Variants in KCNU1 observed in about 807,000 individuals in gnomAD.
KCNU1 encodes the protein potassium calcium-activated channel subfamily U member 1.
A neutral mutation model predicts 126.8 loss-of-function variants in KCNU1; 93 were observed. The observed-to-expected ratio is 0.73, with a 90% CI of 0.62 to 0.87. The LOEUF is 0.87. KCNU1 is among the 40% of genes least tolerant of loss of function. The pLI is 0.00. For synonymous variants in KCNU1, 523 were observed against 494.2 expected (o/e 1.06, Z -0.77); for missense variants, 1,330 against 1,367.1 (o/e 0.97, Z 0.43).
chr8:36,845,863 TGTG>T lies in KCNU1; in HGVS notation c.1857_1859del (p.Gly620del). 1 of 1,607,178 alleles carries T rather than the reference TGTG, an allele frequency of 6.2e-7. No homozygotes were observed. The highest frequency in any genetic ancestry group is 8.5e-7 in the Non-Finnish European group (1 of 1,176,310). On this transcript the variant is annotated inframe_deletion, in exon 18 of 27. Transcript: ENST00000399881. ...GTTCATTCCTGAGCTAATTACAAACTGTGGCTGCAAAAGCAGAAGCCGGCAGCA... is the reference window on the plus strand; with the variant it reads ...GTTCATTCCTGAGCTAATTACAAACTGCTGCAAAAGCAGAAGCCGGCAGCA...
rs1563253024 is a variant in KCNU1 at position 36,784,454 on chromosome 8, C to T, written c.44C>T (p.Pro15Leu). The T allele has an allele frequency of 1.9e-6, 3 of 1,613,448 alleles. No individual in the cohort carries two copies. The highest frequency in any genetic ancestry group is 2.7e-5 in the African/African-American group (2 of 75,004). Reference sequence around the variant, plus strand: ...CGAAATGAAACTTGGGAAGACTTGCCAAAAATGTCCTGCACAACTGAGATC... The same window carrying T: ...CGAAATGAAACTTGGGAAGACTTGCTAAAAATGTCCTGCACAACTGAGATC... ...KLRNETWEDL[P>L]KMSCTTEIQA... Residue 15 changes from proline to leucine, a missense_variant, in exon 1 of 27, where the codon CCA (proline) becomes CTA (leucine). This residue lies in a region of KCNU1 where 247 missense variants were observed against 255.4 expected (regional missense o/e 0.97). Coordinates refer to ENST00000399881, the MANE Select transcript of KCNU1 (RefSeq NM_001031836.3).
chr8:36,843,819 G>A (rs1369334070), intron 16 of KCNU1, among the ~76,000 whole-genome samples: 1 of 152,024 alleles, frequency 6.6e-6, no homozygotes, highest in East Asian at 1.9e-4. Context: ...TTTTTCTTAC[G>A]GAATTATTTG....
At chr8:36,915,426 T>C (rs1224019728) in intron 22 of KCNU1, among the ~76,000 whole-genome samples, 3 of 152,184 alleles carry the variant, frequency 2.0e-5, no homozygotes, top group Non-Finnish European at 4.4e-5. Context: ...TCAAAGATGA[T>C]CTCACTATGG....
intron 16 of KCNU1, 48 bp from the exon 17 acceptor site, chr8:36,845,532 A>T (rs776902819): frequency 8.9e-7 from 1 of 1,124,224 alleles, no homozygotes; most frequent in Non-Finnish European, 1.3e-6. Context: ...AACTGTTGCC[A>T]CTGAAATCAG....
chr8:36,866,896 G>A (rs369080037), intron 19 of KCNU1, among the ~76,000 whole-genome samples: 1 of 152,084 alleles, frequency 6.6e-6, no homozygotes, highest in African/African-American at 2.4e-5. Flanking sequence ...GCAAAGAAAG[G>A]GTTCACCCGT....
At chr8:36,808,662 T>C in intron 6 of KCNU1, 56 bp from the exon 7 acceptor site, 1 of 1,057,988 alleles carries the variant, frequency 9.5e-7, no homozygotes, top group Non-Finnish European at 1.5e-6. Flanking sequence ...GGATGAGGTG[T>C]TTGTGTTGTT....
chr8:36,834,165 C>T (rs1012027939), intron 11 of KCNU1, among the ~76,000 whole-genome samples: 2 of 152,098 alleles, frequency 1.3e-5, no homozygotes, highest in Non-Finnish European at 2.9e-5. Flanking sequence ...ACAGGTTTGG[C>T]TTAAGATCAA....
chr8:36,868,113 T>C (rs1427146489), intron 19 of KCNU1, among the ~76,000 whole-genome samples: 2 of 152,128 alleles, frequency 1.3e-5, no homozygotes, highest in African/African-American at 2.4e-5. Flanking sequence ...ATATGTTCCA[T>C]TTGAGGGTGA....
At chr8:36,888,395 C>A (rs553829341) in intron 19 of KCNU1, 6 of 365,636 alleles carry the variant, frequency 1.6e-5, no homozygotes, top group Admixed American at 7.7e-5. Context: ...CTCCCTCCCC[C>A]ACAACACCAC....
intron 24 of KCNU1, among the ~76,000 whole-genome samples, chr8:36,929,196 A>G (rs1353521366): frequency 6.6e-6 from 1 of 152,060 alleles, no homozygotes; most frequent in Non-Finnish European, 1.5e-5. Context: ...AGCATGGCCA[A>G]CATGGCAAAA....
intron 4 of KCNU1, among the ~76,000 whole-genome samples, chr8:36,805,668 A>G (rs1283226771): frequency 5.9e-5 from 9 of 152,096 alleles, no homozygotes; most frequent in South Asian, 2.1e-4. Context: ...ATAACTTTGT[A>G]TCTTTGTTTC....
chr8:36,802,891 G>A (rs1199331420), intron 2 of KCNU1, among the ~76,000 whole-genome samples: 1 of 152,196 alleles, frequency 6.6e-6, no homozygotes, highest in East Asian at 1.9e-4. Context: ...GAACAGAAGA[G>A]TACTTGGGTC....
In KCNU1 at chr8:36,805,302, A is replaced by T; in HGVS notation, c.468+17A>T. ...GGATTGAGGGTAAGTACCTATTGAA[A>T]GTGGGAGTGAATATCCAAACACCAC... On this transcript the variant is annotated intron_variant, in intron 4 of 26. Coordinates refer to ENST00000399881, the MANE Select transcript of KCNU1 (RefSeq NM_001031836.3). 6.9e-7 allele frequency: 1 copy of T among 1,459,282 alleles called. No homozygotes were observed. The highest frequency in any genetic ancestry group is 9.5e-7 in the Non-Finnish European group (1 of 1,051,224). The allele number at this position is 1,459,282 out of a possible 1,614,324, so 90.4% of individuals were successfully genotyped here.
intron 24 of KCNU1, among the ~76,000 whole-genome samples, chr8:36,928,626 T>C (rs1324467905): frequency 6.6e-6 from 1 of 152,208 alleles, no homozygotes; most frequent in Non-Finnish European, 1.5e-5. Flanking sequence ...ATATTATTTC[T>C]TGTCAACTTA....
At chr8:36,860,444 A>G (rs375702445) in intron 18 of KCNU1, among the ~76,000 whole-genome samples, 1 of 152,108 alleles carries the variant, frequency 6.6e-6, no homozygotes, top group Non-Finnish European at 1.5e-5. Flanking sequence ...AGTAGGAGGA[A>G]TAATTGTCTT....
At chr8:36,804,248 G>T (rs759561474) in intron 3 of KCNU1, among the ~76,000 whole-genome samples, 160 bp downstream of exon 3, 11 of 152,076 alleles carry the variant, frequency 7.2e-5, no homozygotes, top group Non-Finnish European at 1.0e-4. Context: ...CTCCCAGTAA[G>T]CACTAAGCCC....
intron 14 of KCNU1, among the ~76,000 whole-genome samples, chr8:36,837,193 T>C (rs986859728): frequency 6.6e-6 from 1 of 152,146 alleles, no homozygotes; most frequent in African/African-American, 2.4e-5. Context: ...AATATAACTC[T>C]GCTTCCTACC....
intron 7 of KCNU1, among the ~76,000 whole-genome samples, chr8:36,812,402 T>C (rs1410652078): frequency 6.9e-6 from 1 of 145,012 alleles, no homozygotes; most frequent in Non-Finnish European, 1.5e-5. Context: ...AAAAAAGTAG[T>C]GGTAATGATT....
rs1808406143 is a variant in KCNU1 at position 36,922,797 on chromosome 8, G to T, written c.2736+168G>T. 2.0e-5 allele frequency among the ~76,000 whole-genome samples: 3 copies of T among 152,086 alleles called. No individual in the cohort carries two copies. The South Asian group carries it at 6.2e-4, about 32-fold the overall frequency. On this transcript the variant is annotated intron_variant, in intron 24 of 26. Coordinates refer to ENST00000399881, the MANE Select transcript of KCNU1 (RefSeq NM_001031836.3). ...AATTTATCTTTTCTCATAACTACTTGGTGTGGGAAGCAACATTTTCACATT... is the reference window on the plus strand; with the variant it reads ...AATTTATCTTTTCTCATAACTACTTTGTGTGGGAAGCAACATTTTCACATT...
Sources: gnomAD v4.1 joint callset for allele counts (sites outside exome capture counted in the v4.1 genomes callset) on GRCh38, gnomAD v4.1.1 for gene constraint, gnomAD v4.1.1 regional missense constraint, MANE v1.5 for transcripts, NCBI Gene and HGNC (gene_info 2026-07-23, HGNC 2026-07-21) for gene names.